Variants in ENOX1 observed in about 807,000 individuals in gnomAD.
The protein encoded by ENOX1 is candidate growth-related and time keeping constitutive hydroquinone (NADH) oxidase.
A neutral mutation model predicts 82.5 loss-of-function variants in ENOX1; 42 were observed. The observed-to-expected ratio is 0.51, with a 90% CI of 0.40 to 0.66. The LOEUF is 0.66. Among genes scored for constraint, ENOX1 ranks in the 30% least tolerant of loss-of-function variants. ENOX1 has a pLI of 0.00. For synonymous variants in ENOX1, 271 were observed against 282.2 expected, an observed-to-expected ratio of 0.96 and a Z score of 0.40; for missense variants, 608 against 811.6, an observed-to-expected ratio of 0.75 and a Z score of 3.05.
chr13:43,661,754 G>A (rs1028321762), intron 2 of ENOX1, among the ~76,000 whole-genome samples: 2 of 152,186 alleles, frequency 1.3e-5, no homozygotes, highest in African/African-American at 2.4e-5. Context: ...AGGCAGCCCA[G>A]TAAAAGAAAC....
chr13:43,765,195 G>GA (rs1337436998), intron 1 of ENOX1, among the ~76,000 whole-genome samples: 2 of 152,036 alleles, frequency 1.3e-5, no homozygotes, highest in African/African-American at 4.8e-5. Flanking sequence ...TATTTAGGGA[G>GA]AAAAAAACTA....
chr13:43,641,943 C>A (rs999117710), intron 2 of ENOX1, among the ~76,000 whole-genome samples: 6 of 152,096 alleles, frequency 3.9e-5, no homozygotes, highest in Non-Finnish European at 8.8e-5. Flanking sequence ...AAGATAGAAA[C>A]AACATGATGA....
chr13:43,773,599 C>G (rs1387087138), intron 1 of ENOX1, among the ~76,000 whole-genome samples: 1 of 152,202 alleles, frequency 6.6e-6, no homozygotes, highest in African/African-American at 2.4e-5. Flanking sequence ...GGGACTCTCA[C>G]CTGGATAACC....
At chr13:43,482,297 T>C (rs1748777154) in intron 3 of ENOX1, among the ~76,000 whole-genome samples, 1 of 152,170 alleles carries the variant, frequency 6.6e-6, no homozygotes, top group Non-Finnish European at 1.5e-5. Flanking sequence ...CAGAAGATTA[T>C]TAAGCCTAAC....
intron 14 of ENOX1, among the ~76,000 whole-genome samples, chr13:43,255,895 C>A (rs1052917032): frequency 2.0e-5 from 3 of 152,042 alleles, no homozygotes; most frequent in Non-Finnish European, 4.4e-5. Context: ...CAGTGACATT[C>A]TTCATAGAAA....
chr13:43,712,997 C>A (rs1306883770), intron 1 of ENOX1, among the ~76,000 whole-genome samples: 1 of 152,108 alleles, frequency 6.6e-6, no homozygotes, highest in Non-Finnish European at 1.5e-5. Flanking sequence ...TGCCAGTTTT[C>A]AAAGGGAATG....
At chr13:43,470,738 A>C (rs1314717485) in intron 3 of ENOX1, among the ~76,000 whole-genome samples, 1 of 152,020 alleles carries the variant, frequency 6.6e-6, no homozygotes, top group Non-Finnish European at 1.5e-5. Context: ...TACAGAGAAA[A>C]TTATATAAAT....
chr13:43,515,800 G>A lies in ENOX1; in HGVS notation c.-218-31648C>T, dbSNP rs2077538311. Among the ~76,000 whole-genome samples, 4 of 152,068 alleles carry A rather than the reference G, an allele frequency of 2.6e-5. No individual in the cohort carries two copies. In the South Asian group the frequency reaches 8.3e-4, roughly 32 times the overall value. Reference sequence around the variant, plus strand: ...TCTGAGCTTCATGGAACAGATCAGAGTTCCTCCAGGATGTCCTGCTCCATA... The same window carrying A: ...TCTGAGCTTCATGGAACAGATCAGAATTCCTCCAGGATGTCCTGCTCCATA... On this transcript the variant is annotated intron_variant, in intron 2 of 16. Transcript: ENST00000690772.
chr13:43,216,740 T>A (rs2041508229), intron 16 of ENOX1, among the ~76,000 whole-genome samples: 1 of 152,066 alleles, frequency 6.6e-6, no homozygotes, highest in African/African-American at 2.4e-5. Flanking sequence ...AACCGCCACC[T>A]CCCTTGGAAA....
rs570300362 is a variant in ENOX1, at chr13:43,784,515, A to G, written c.-285+2137T>C. 6.6e-5 allele frequency among the ~76,000 whole-genome samples: 10 copies of G among 152,388 alleles called. No homozygotes were observed. In the South Asian group the frequency reaches 1.9e-3, roughly 28 times the overall value. On this transcript the variant is annotated intron_variant, in intron 1 of 16. Coordinates refer to ENST00000690772, the MANE Select transcript of ENOX1 (RefSeq NM_001347969.2). ...TTTAGAATCATGTAATACGTTTAAT[A>G]TGTTGATTTACTATCATATGCTACC...
At position 43,727,947 on chromosome 13, in the gene ENOX1, T is replaced by C. The variant is rs184452514; in HGVS notation, c.-285+58705A>G. 1.3e-3 allele frequency among the ~76,000 whole-genome samples: 204 copies of C among 152,308 alleles called. 2 individuals are homozygous for C. The highest frequency in any genetic ancestry group is 4.6e-3 in the African/African-American group (193 of 41,560). On this transcript the variant is annotated intron_variant, in intron 1 of 16. Coordinates refer to ENST00000690772, the MANE Select transcript of ENOX1 (RefSeq NM_001347969.2). Reference sequence around the variant, plus strand: ...CTGAGAATTCATAACAAGAAATTATTTTAAGTTAACAAAAGCTTCCCCAAC... The same window carrying C: ...CTGAGAATTCATAACAAGAAATTATCTTAAGTTAACAAAAGCTTCCCCAAC...
chr13:43,652,865 G>A (rs561894385), intron 2 of ENOX1, among the ~76,000 whole-genome samples: 1 of 152,220 alleles, frequency 6.6e-6, no homozygotes, highest in Non-Finnish European at 1.5e-5. Context: ...AGGTGGCCTG[G>A]AGATTTCCAA....
intron 1 of ENOX1, among the ~76,000 whole-genome samples, chr13:43,745,293 A>T (rs1594660642): frequency 6.6e-6 from 1 of 152,344 alleles, no homozygotes; most frequent in Non-Finnish European, 1.5e-5. Context: ...ATTTGAACCA[A>T]AATAAAATTT....
At chr13:43,525,190 T>A (rs2077935023) in intron 2 of ENOX1, among the ~76,000 whole-genome samples, 1 of 152,136 alleles carries the variant, frequency 6.6e-6, no homozygotes, top group Admixed American at 6.6e-5. Flanking sequence ...TGTGCAAGCA[T>A]CATCACCATC....
chr13:43,485,923 A>C (rs2076396663), intron 2 of ENOX1, among the ~76,000 whole-genome samples: 1 of 152,124 alleles, frequency 6.6e-6, no homozygotes, highest in Non-Finnish European at 1.5e-5. Context: ...AAAAAATACA[A>C]AAATTGGCCA....
At chr13:43,363,421 CT>C (rs2050649543) in intron 5 of ENOX1, among the ~76,000 whole-genome samples, 1 of 152,020 alleles carries the variant, frequency 6.6e-6, no homozygotes, top group Non-Finnish European at 1.5e-5. Flanking sequence ...TTAAAATGTA[CT>C]TTACCCTTAA....
intron 2 of ENOX1, among the ~76,000 whole-genome samples, chr13:43,532,639 A>G (rs2078280012): frequency 6.6e-6 from 1 of 152,050 alleles, no homozygotes; most frequent in East Asian, 1.9e-4. Context: ...ACAACTACTT[A>G]TATTTCTGAG....
chr13:43,736,164 A>G (rs1196481438), intron 1 of ENOX1, among the ~76,000 whole-genome samples: 2 of 152,184 alleles, frequency 1.3e-5, no homozygotes. Flanking sequence ...CAGTGCATTT[A>G]TTGATCTTTT....
intron 1 of ENOX1, among the ~76,000 whole-genome samples, chr13:43,668,037 T>A (rs148913415): frequency 1.3e-5 from 2 of 152,236 alleles, no homozygotes; most frequent in East Asian, 1.9e-4. Flanking sequence ...TACACACTTA[T>A]AAGCTTTCTC....
Sources: gnomAD v4.1 joint callset for allele counts (sites outside exome capture counted in the v4.1 genomes callset) on GRCh38, gnomAD v4.1.1 for gene constraint, MANE v1.5 for transcripts, NCBI Gene and HGNC (gene_info 2026-07-23, HGNC 2026-07-21) for gene names.